The following EYS variants were observed in gnomAD, a reference collection of about 807,000 sequenced individuals.
EYS encodes the protein EGF-like photoreceptor maintenance factor, also known as protein eyes shut homolog.
Under a neutral mutation model 282.1 loss-of-function variants are expected in EYS, and 250 were observed. The ratio of observed to expected loss-of-function variants is 0.89; its 90% CI spans 0.80 to 0.98. The LOEUF (loss-of-function observed/expected upper bound fraction) is 0.98. Among genes scored for constraint, EYS ranks in the 50% least tolerant of loss-of-function variants. EYS has a pLI of 0.00. For missense variants in EYS, 4,016 were observed against 3,709.0 expected (o/e 1.08, Z -2.15); for synonymous variants, 1,355 against 1,282.9 (o/e 1.06, Z -1.20).
At chr6:64,111,393 A>G (rs533501724) in intron 31 of EYS, among the ~76,000 whole-genome samples, 1 of 152,204 alleles carries the variant, frequency 6.6e-6, no homozygotes, top group South Asian at 2.1e-4. Flanking sequence ...CACGGATGGA[A>G]GAATTGGCCT....
chr6:64,798,497 G>A (rs576307764), intron 22 of EYS, among the ~76,000 whole-genome samples: 9 of 151,658 alleles, frequency 5.9e-5, no homozygotes, highest in Non-Finnish European at 8.8e-5. Context: ...CACATGCGAC[G>A]GATGCCATGT....
At chr6:65,296,534 A>G (rs1348487967) in intron 11 of EYS, among the ~76,000 whole-genome samples, 1 of 151,740 alleles carries the variant, frequency 6.6e-6, no homozygotes, top group Non-Finnish European at 1.5e-5. Flanking sequence ...AACTATATAT[A>G]TATACATATA....
intron 36 of EYS, among the ~76,000 whole-genome samples, chr6:63,833,564 A>C (rs949273141): frequency 6.6e-6 from 1 of 152,204 alleles, no homozygotes; most frequent in African/African-American, 2.4e-5. Context: ...AAAAGAGGAC[A>C]CAAACAAATG....
At chr6:65,030,963 A>G (rs559568216) in intron 13 of EYS, among the ~76,000 whole-genome samples, 1 of 152,206 alleles carries the variant, frequency 6.6e-6, no homozygotes, top group East Asian at 1.9e-4. Flanking sequence ...AAAATTCTAC[A>G]AGGCAAATGG....
intron 12 of EYS, among the ~76,000 whole-genome samples, chr6:65,229,248 A>C (rs553360434): frequency 6.7e-6 from 1 of 150,320 alleles, no homozygotes; most frequent in African/African-American, 2.4e-5. Context: ...CCATTTGAAC[A>C]ACTAGTGTTG....
chr6:64,309,203 T>C (rs923010298), intron 29 of EYS, among the ~76,000 whole-genome samples: 4 of 151,912 alleles, frequency 2.6e-5, no homozygotes, highest in Non-Finnish European at 4.4e-5. Flanking sequence ...TTATTATTCA[T>C]AGGGATAAAA....
In EYS at chr6:63,721,416, C is replaced by T; in HGVS notation, c.8615G>A (p.Gly2872Asp). Reference sequence around the variant, plus strand: ...CCCACAGGCTGTCCCATCACAGTCACCTACATTTGAGCCACCTTTTGCTCC... The same window carrying T: ...CCCACAGGCTGTCCCATCACAGTCATCTACATTTGAGCCACCTTTTGCTCC... ...EFGAKGGSNV[G>D]DCDGTACGYN... Residue 2872 changes from glycine to aspartate, a missense_variant, in exon 43 of 43, where the codon GGT becomes GAT. Coordinates refer to ENST00000503581, the MANE Select transcript of EYS (RefSeq NM_001142800.2). 2 of 1,551,698 alleles carry T rather than the reference C, an allele frequency of 1.3e-6. No homozygotes were observed. Among genetic ancestry groups the T allele is most frequent in the Non-Finnish European group, 1.7e-6 (2 of 1,146,956 alleles).
chr6:65,681,408 CT>C lies in EYS; in HGVS notation c.-448+25726del, dbSNP rs1215975265. On this transcript the variant is annotated intron_variant, in intron 1 of 42. Coordinates refer to ENST00000503581, the MANE Select transcript of EYS (RefSeq NM_001142800.2). The stretch of plus-strand genomic sequence containing the variant: ...CAAATGTATATTTCATAATACCACA[CT>C]TTGAAGAAAAATTTAAGTGAAATTA... Among the ~76,000 whole-genome samples the C allele has an allele frequency of 2.0e-5, 3 of 152,054 alleles. No homozygotes were observed. In the East Asian group the frequency reaches 5.8e-4, roughly 30 times the overall value.
intron 22 of EYS, among the ~76,000 whole-genome samples, chr6:64,744,862 TA>T (rs1772500966): frequency 6.6e-6 from 1 of 152,194 alleles, no homozygotes; most frequent in African/African-American, 2.4e-5. Flanking sequence ...TAAAAGCTCT[TA>T]AACATTATTT....
rs1023196110 is a variant in EYS at position 64,821,570 on chromosome 6, C to T, written c.3243+75G>A. 3.6e-5 allele frequency: 27 copies of T among 740,730 alleles called. No individual in the cohort carries two copies. In the South Asian group the frequency reaches 4.8e-4, roughly 13 times the overall value. 45.9% of individuals were successfully genotyped at this position (740,730 alleles called of 1,614,324 possible). On this transcript the variant is annotated intron_variant, in intron 21 of 42. Coordinates refer to ENST00000503581, the MANE Select transcript of EYS (RefSeq NM_001142800.2). ...AACTGTGGAAGAAATGACTCTGAAACCTACAGCAAGCAATTTGATTTTTCT... is the reference window on the plus strand; with the variant it reads ...AACTGTGGAAGAAATGACTCTGAAATCTACAGCAAGCAATTTGATTTTTCT...
chr6:64,495,466 A>G (rs1776861048), intron 26 of EYS, among the ~76,000 whole-genome samples: 1 of 151,894 alleles, frequency 6.6e-6, no homozygotes, highest in Admixed American at 6.6e-5. Flanking sequence ...TTTGGATAGA[A>G]TGAAATGGAA....
rs370487256 is a variant in EYS at position 64,927,637 on chromosome 6, A to G, written c.2382-14894T>C. On this transcript the variant is annotated intron_variant, in intron 15 of 42. Coordinates refer to ENST00000503581, the MANE Select transcript of EYS (RefSeq NM_001142800.2). ...TGTCAAATCTTAAGGGTTCTGGTGT[A>G]AGAAGTCCTAAATTCTATATCTCTT... 2.4e-4 allele frequency among the ~76,000 whole-genome samples: 37 copies of G among 152,216 alleles called. No homozygotes were observed. In the East Asian group the frequency reaches 6.4e-3, roughly 26 times the overall value.
At chr6:63,919,845 A>G (rs922453699) in intron 35 of EYS, among the ~76,000 whole-genome samples, 1 of 152,230 alleles carries the variant, frequency 6.6e-6, no homozygotes, top group South Asian at 2.1e-4. Flanking sequence ...CAGCAGTTTC[A>G]TCTTTATTTA....
chr6:64,717,680 A>T (rs942845433), intron 22 of EYS, among the ~76,000 whole-genome samples: 2 of 152,172 alleles, frequency 1.3e-5, no homozygotes, highest in Non-Finnish European at 2.9e-5. Context: ...TGCTTACTTC[A>T]AAAAGAGTGT....
intron 26 of EYS, among the ~76,000 whole-genome samples, chr6:64,525,572 C>G (rs1777890272): frequency 6.6e-6 from 1 of 151,570 alleles, no homozygotes; most frequent in South Asian, 2.1e-4. Context: ...ATACTTGGTA[C>G]TGGGCTTAGT....
At chr6:64,079,273 G>C (rs1040096160) in intron 32 of EYS, among the ~76,000 whole-genome samples, 1 of 151,940 alleles carries the variant, frequency 6.6e-6, no homozygotes, top group African/African-American at 2.4e-5. Flanking sequence ...TTAAACATGG[G>C]TGCCTCTGCT....
intron 31 of EYS, among the ~76,000 whole-genome samples, chr6:64,193,821 G>T (rs1297994057): frequency 2.0e-5 from 3 of 152,062 alleles, no homozygotes; most frequent in South Asian, 4.1e-4. Flanking sequence ...CCCTACAAAG[G>T]ACATGAACTC....
At chr6:64,471,020 C>T (rs890837998) in intron 26 of EYS, among the ~76,000 whole-genome samples, 8 of 152,048 alleles carry the variant, frequency 5.3e-5, no homozygotes, top group Non-Finnish European at 1.5e-5. Context: ...AAGCCTTCTT[C>T]CAAGGGACAC....
At chr6:64,329,876 T>C (rs648766) in intron 29 of EYS, among the ~76,000 whole-genome samples, 109,079 of 152,058 alleles carry the variant, frequency 0.72, 39,335 homozygotes, top group African/African-American at 0.79. Flanking sequence ...TTCCTGCTGA[T>C]GGTGCTTGGT....
Sources: gnomAD v4.1 joint callset for allele counts (sites outside exome capture counted in the v4.1 genomes callset) on GRCh38, gnomAD v4.1.1 for gene constraint, MANE v1.5 for transcripts, NCBI Gene and HGNC (gene_info 2026-07-23, HGNC 2026-07-21) for gene names.